Variants in KSR2 observed in about 807,000 individuals in gnomAD.
KSR2 encodes kinase suppressor of ras 2.
In KSR2, 25 loss-of-function variants were observed where a neutral mutation model predicts 107.8. The observed-to-expected ratio is 0.23, with a 90% CI of 0.17 to 0.32. The LOEUF is 0.32. Ranked by LOEUF, KSR2 falls within the 10% of genes least tolerant of loss-of-function variation. The pLI is 1.00. For synonymous variants in KSR2, 480 were observed against 507.0 expected (o/e 0.95, Z 0.71); for missense variants, 887 against 1,268.9 (o/e 0.70, Z 4.57).
chr12:117,471,393 C>G, intron 17 of KSR2, 73 bp from the exon 18 acceptor site: 1 of 1,484,390 alleles, frequency 6.7e-7, no homozygotes, highest in South Asian at 1.3e-5. Context: ...ATTATTAGCA[C>G]ACACCCACCC....
At chr12:117,529,093 G>A (rs528142241) in intron 12 of KSR2, among the ~76,000 whole-genome samples, 6 of 152,338 alleles carry the variant, frequency 3.9e-5, no homozygotes, top group Admixed American at 3.3e-4. Flanking sequence ...CAGAAAAGAT[G>A]AAGCAGTTAG....
At chr12:117,724,417 C>T (rs532458944) in intron 4 of KSR2, among the ~76,000 whole-genome samples, 25 of 152,148 alleles carry the variant, frequency 1.6e-4, no homozygotes, top group African/African-American at 5.5e-4. Context: ...GGTTCTGATC[C>T]ACCATTTACA....
chr12:117,748,764 T>C (rs991302481), intron 4 of KSR2, among the ~76,000 whole-genome samples: 2 of 152,128 alleles, frequency 1.3e-5, no homozygotes, highest in African/African-American at 4.8e-5. Flanking sequence ...TATGATGACC[T>C]TTATCCCTGT....
chr12:117,889,353 G>C (rs1894269136), intron 1 of KSR2: 1 of 152,156 alleles, frequency 6.6e-6, no homozygotes, highest in African/African-American at 2.4e-5. Flanking sequence ...TGAAGTGGAG[G>C]GAACTCGTGC....
intron 1 of KSR2, among the ~76,000 whole-genome samples, chr12:117,942,983 T>C (rs1896056944): frequency 6.6e-6 from 1 of 152,192 alleles, no homozygotes; most frequent in South Asian, 2.1e-4. Flanking sequence ...TGCTATAAAA[T>C]ATAGTTTTGA....
At chr12:117,575,701 T>G (rs1335782596) in intron 7 of KSR2, among the ~76,000 whole-genome samples, 2 of 152,232 alleles carry the variant, frequency 1.3e-5, no homozygotes, top group Non-Finnish European at 2.9e-5. Flanking sequence ...ATGTCAAAAC[T>G]CCTGAAGCAT....
intron 3 of KSR2, among the ~76,000 whole-genome samples, chr12:117,846,881 G>A (rs899598970): frequency 2.0e-5 from 3 of 152,234 alleles, no homozygotes; most frequent in African/African-American, 7.2e-5. Flanking sequence ...AGAACCCACA[G>A]CCAGCCAGCC....
At chr12:117,548,564 T>C (rs1877057991) in intron 9 of KSR2, among the ~76,000 whole-genome samples, 1 of 152,078 alleles carries the variant, frequency 6.6e-6, no homozygotes, top group Non-Finnish European at 1.5e-5. Context: ...TGATCAACAG[T>C]GGGCTATTAG....
chr12:117,799,556 T>C (rs4767627), intron 3 of KSR2, among the ~76,000 whole-genome samples: 11,875 of 152,178 alleles, frequency 0.078, 643 homozygotes, highest in Non-Finnish European at 0.12. Context: ...GTATCTATTT[T>C]ACCATAATAA....
chr12:117,909,200 G>T (rs755174749), intron 1 of KSR2, among the ~76,000 whole-genome samples: 1 of 152,166 alleles, frequency 6.6e-6, no homozygotes, highest in African/African-American at 2.4e-5. Flanking sequence ...TATATATAAG[G>T]CTCTTCAGTA....
chr12:117,675,371 C>G (rs942390323), intron 4 of KSR2, among the ~76,000 whole-genome samples: 5 of 152,210 alleles, frequency 3.3e-5, no homozygotes, highest in Non-Finnish European at 5.9e-5. Flanking sequence ...GACCCAGTCT[C>G]CATCTGCAAA....
Position 117,606,415 on chromosome 12 carries a change from C to G in KSR2, c.1172-24056G>C, listed in dbSNP as rs1419767641. ...TCCCTCCCTCCTCTCCTTCCTCCCTCCCTCCCCTCCTTCCTCCCTCCCTCC... is the reference window on the plus strand; with the variant it reads ...TCCCTCCCTCCTCTCCTTCCTCCCTGCCTCCCCTCCTTCCTCCCTCCCTCC... On this transcript the variant is annotated intron_variant, in intron 5 of 19. Transcript: ENST00000339824. Among the ~76,000 whole-genome samples the G allele has an allele frequency of 3.8e-3, 288 of 75,372 alleles. 16 individuals carry two copies. Among genetic ancestry groups the G allele is most frequent in the African/African-American group, 0.017 (255 of 15,174 alleles). 49.4% of individuals were successfully genotyped at this position (75,372 alleles called of 152,430 possible). A position where few individuals can be genotyped will look rare whatever the true frequency, so the allele number is the denominator to read the frequency against.
intron 4 of KSR2, among the ~76,000 whole-genome samples, chr12:117,728,931 T>C (rs1887553866): frequency 6.6e-6 from 1 of 152,232 alleles, no homozygotes; most frequent in African/African-American, 2.4e-5. Context: ...TGATGCCATC[T>C]CTTCATCTGA....
At position 117,480,028 on chromosome 12, in the gene KSR2, ATGTGTG is replaced by A. The variant is rs55877244; in HGVS notation, c.2451-3439_2451-3434del. On this transcript the variant is annotated intron_variant, in intron 16 of 19. Transcript: ENST00000339824. ...CTGGACATAATCATTACACATGTGT[ATGTGTG>A]TGTGTGTGTGTGTGTGTGTGTGTGT... 8.2e-4 allele frequency among the ~76,000 whole-genome samples: 122 copies of A among 148,636 alleles called. 1 individual carries two copies. Among genetic ancestry groups the A allele is most frequent in the African/African-American group, 2.8e-3 (111 of 40,154 alleles).
chr12:117,861,378 CTTTTTTTTTTT>C (rs5801257), intron 1 of KSR2, among the ~76,000 whole-genome samples: 7 of 81,674 alleles, frequency 8.6e-5, no homozygotes, highest in African/African-American at 4.0e-4. Context: ...TCCCAATTCG[CTTTTTTTTTTT>C]TTTTTTTTTT....
At chr12:117,852,071 G>T (rs1216979413) in intron 3 of KSR2, among the ~76,000 whole-genome samples, 2 of 144,566 alleles carry the variant, frequency 1.4e-5, no homozygotes, top group South Asian at 2.1e-4. Flanking sequence ...CTATGTGTGT[G>T]GGGGGGGTCA....
Position 117,455,070 on chromosome 12 carries a change from G to GAGAC in KSR2, c.*12128_*12129insGTCT, listed in dbSNP as rs1469580555. ...AGAGAGAGAGAGAGAGAGAGAGAGA[G>GAGAC]AGGTCTGTAGAGCCAGAGAGGGATG... On this transcript the variant is annotated 3_prime_UTR_variant, in exon 20 of 20. Coordinates refer to ENST00000339824, the MANE Select transcript of KSR2 (RefSeq NM_173598.6). 2.7e-4 allele frequency: 41 copies of GAGAC among 149,212 alleles called. No homozygotes were observed. The highest frequency in any genetic ancestry group is 9.9e-4 in the African/African-American group (40 of 40,264). The allele number at this position is 149,212 out of a possible 1,614,324, so 9.2% of individuals were successfully genotyped here.
chr12:117,616,277 G>C (rs185846666), intron 5 of KSR2, among the ~76,000 whole-genome samples: 2 of 151,832 alleles, frequency 1.3e-5, no homozygotes, highest in Non-Finnish European at 2.9e-5. Flanking sequence ...GAAAAAAAGA[G>C]AAGAAAAAGA....
chr12:117,664,956 G>T (rs1275957575), intron 5 of KSR2, among the ~76,000 whole-genome samples: 1 of 152,050 alleles, frequency 6.6e-6, no homozygotes. Context: ...AGAGCTTCTC[G>T]TTTCCCAAAC....
Sources: allele counts gnomAD v4.1 joint callset (sites outside exome capture counted in the v4.1 genomes callset), GRCh38; gene constraint gnomAD v4.1.1; transcripts MANE v1.5; gene names NCBI Gene and HGNC (gene_info 2026-07-23, HGNC 2026-07-21).